Variants in SDK1 observed in about 807,000 individuals in gnomAD.
SDK1 encodes protein sidekick-1.
In SDK1, 157 loss-of-function variants were observed where a neutral mutation model predicts 245.5. That is an observed-to-expected ratio of 0.64 (90% CI 0.56 to 0.73). The LOEUF is 0.73. SDK1 is among the 30% of genes least tolerant of loss of function. The probability of loss-of-function intolerance (pLI) is 0.00; values close to 1 mark genes in which losing one functional copy is unlikely to be tolerated. For synonymous variants in SDK1, 1,647 were observed against 1,278.5 expected (o/e 1.29, Z -6.15); for missense variants, 3,583 against 3,002.3 (o/e 1.19, Z -4.52).
chr7:3,385,786 A>G (rs1005244594), intron 1 of SDK1, among the ~76,000 whole-genome samples: 61 of 152,202 alleles, frequency 4.0e-4, no homozygotes, highest in African/African-American at 1.4e-3. Context: ...GGCGATTAGT[A>G]AGGGATTGTA....
rs536313411 is a variant in SDK1, at chr7:3,909,310, A to G, written c.848-41613A>G. The stretch of plus-strand genomic sequence containing the variant: ...ACCAGATGGCCGCCAATAACTCCAG[A>G]CTTAAATCCTGCCTGGGCTGCGGGG... On this transcript the variant is annotated intron_variant, in intron 5 of 44. Transcript: ENST00000404826. 9.2e-4 allele frequency among the ~76,000 whole-genome samples: 140 copies of G among 152,132 alleles called. 2 individuals are homozygous for G. Among genetic ancestry groups the G allele is most frequent in the African/African-American group, 3.3e-3 (135 of 41,506 alleles).
chr7:3,891,892 G>GT lies in SDK1; in HGVS notation c.848-59025dup, dbSNP rs1250779246. Reference sequence around the variant, plus strand: ...TTCAATTGTATTTGCAAAGCAGTGAGTTTTTTGGGAGGAGGCAAGGTGCAT... The same window carrying GT: ...TTCAATTGTATTTGCAAAGCAGTGAGTTTTTTTGGGAGGAGGCAAGGTGCAT... On this transcript the variant is annotated intron_variant, in intron 5 of 44. Transcript: ENST00000404826. Among the ~76,000 whole-genome samples the GT allele has an allele frequency of 5.3e-5, 8 of 152,126 alleles. No homozygotes were observed. In the South Asian group the frequency reaches 6.2e-4, roughly 12 times the overall value.
At position 4,265,628 on chromosome 7, in the gene SDK1, TG is replaced by T. The variant is rs912206921; in HGVS notation, c.*245del. On this transcript the variant is annotated 3_prime_UTR_variant, in exon 45 of 45. Coordinates refer to ENST00000404826, the MANE Select transcript of SDK1 (RefSeq NM_152744.4). The stretch of plus-strand genomic sequence containing the variant: ...TTTTTCTTTTCTTTTTAAGAGAAGG[TG>T]TATTTCACTGGTGCAATGGCTTGGC... 1 of 1,315,804 alleles carries T rather than the reference TG, an allele frequency of 7.6e-7. No homozygotes were observed. The highest frequency in any genetic ancestry group is 1.6e-5 in the African/African-American group (1 of 64,150). 81.5% of individuals were successfully genotyped at this position (1,315,804 alleles called of 1,614,324 possible).
rs935111405 is a variant in SDK1, at chr7:4,174,287, G to A, written c.4866G>A (p.Glu1622=). 5 of 1,613,984 alleles carry A rather than the reference G, an allele frequency of 3.1e-6. No homozygotes were observed. The Admixed American group carries it at 5.0e-5, about 16-fold the overall frequency. The change falls in exon 33 of 45, where the codon GAG becomes GAA. Residue 1622 remains glutamate, a synonymous_variant. Transcript: ENST00000404826. ...ACAGGATCTACTACAGGGAGCTGGAGTATGAAGCCGGGTCAGGCACTGAGG... is the reference window on the plus strand; with the variant it reads ...ACAGGATCTACTACAGGGAGCTGGAATATGAAGCCGGGTCAGGCACTGAGG... The part of the protein sequence containing the change: ...QGYRIYYREL[E]YEAGSGTEAK...
At chr7:3,561,401 C>G (rs1428046464) in intron 1 of SDK1, among the ~76,000 whole-genome samples, 1 of 152,178 alleles carries the variant, frequency 6.6e-6, no homozygotes, top group East Asian at 1.9e-4. Context: ...TCTCTGGTCA[C>G]TTGTTTGTTC....
At chr7:3,316,356 T>A (rs2128545305) in intron 1 of SDK1, among the ~76,000 whole-genome samples, 1 of 152,292 alleles carries the variant, frequency 6.6e-6, no homozygotes, top group Admixed American at 6.5e-5. Flanking sequence ...TACAGTAACA[T>A]GCTGCACAGG....
At chr7:3,881,681 C>T (rs1275234587) in intron 5 of SDK1, among the ~76,000 whole-genome samples, 2 of 152,184 alleles carry the variant, frequency 1.3e-5, no homozygotes, top group African/African-American at 4.8e-5. Context: ...TCAGGAATTA[C>T]CACACTGTCT....
chr7:3,333,435 C>T (rs987558800), intron 1 of SDK1, among the ~76,000 whole-genome samples: 2 of 152,128 alleles, frequency 1.3e-5, no homozygotes, highest in Admixed American at 6.5e-5. Context: ...TTGACTGTGA[C>T]TATGGAATGC....
intron 4 of SDK1, among the ~76,000 whole-genome samples, chr7:3,808,126 C>A (rs1339290034): frequency 6.6e-6 from 1 of 152,166 alleles, no homozygotes; most frequent in East Asian, 1.9e-4. Context: ...GAATTTGAAT[C>A]CCTGTGGGAT....
chr7:3,668,582 TG>T (rs1189036706), intron 4 of SDK1, among the ~76,000 whole-genome samples: 1 of 152,122 alleles, frequency 6.6e-6, no homozygotes, highest in Non-Finnish European at 1.5e-5. Flanking sequence ...GAGACCAGCC[TG>T]GGCAAGAGAC....
chr7:3,486,967 A>G (rs1274808998), intron 1 of SDK1, among the ~76,000 whole-genome samples: 1 of 152,140 alleles, frequency 6.6e-6, no homozygotes, highest in Non-Finnish European at 1.5e-5. Flanking sequence ...CTAAGATTGT[A>G]TTAGCTATCT....
chr7:4,134,168 C>T (rs1360240131), intron 28 of SDK1, among the ~76,000 whole-genome samples: 1 of 152,180 alleles, frequency 6.6e-6, no homozygotes, highest in Admixed American at 6.5e-5. Context: ...GTCTTCTGCA[C>T]AAGGAGGCTG....
intron 22 of SDK1, among the ~76,000 whole-genome samples, chr7:4,079,952 T>A (rs1780948831): frequency 6.6e-6 from 1 of 152,216 alleles, no homozygotes; most frequent in Non-Finnish European, 1.5e-5. Flanking sequence ...TGTGTGTCAT[T>A]AGCTATGCAT....
chr7:4,180,872 C>T lies in SDK1; in HGVS notation c.5098+2286C>T, dbSNP rs775696610. On this transcript the variant is annotated intron_variant, in intron 35 of 44. Transcript: ENST00000404826. ...CCACCCCCACATCCCCATCCCCTCC[C>T]GCCAGGCCCCACCTGCACGTTGGGG... is the stretch of plus-strand genomic sequence containing the variant. Among the ~76,000 whole-genome samples the T allele has an allele frequency of 4.6e-5, 7 of 152,292 alleles. No homozygotes were observed. In the East Asian group the frequency reaches 5.8e-4, roughly 13 times the overall value.
intron 4 of SDK1, among the ~76,000 whole-genome samples, chr7:3,673,925 T>G (rs1383442041): frequency 6.6e-6 from 1 of 152,142 alleles, no homozygotes; most frequent in Non-Finnish European, 1.5e-5. Flanking sequence ...CAAAGCAAAT[T>G]TTATTAAAAA....
At chr7:3,325,841 G>A (rs1471804273) in intron 1 of SDK1, among the ~76,000 whole-genome samples, 2 of 152,040 alleles carry the variant, frequency 1.3e-5, no homozygotes, top group African/African-American at 2.4e-5. Context: ...ATCTTAACAG[G>A]TTGATGTTAC....
At chr7:3,811,494 G>T (rs938536805) in intron 4 of SDK1, among the ~76,000 whole-genome samples, 3 of 152,204 alleles carry the variant, frequency 2.0e-5, no homozygotes, top group Non-Finnish European at 4.4e-5. Flanking sequence ...AGGGAGCTTG[G>T]TTGGGAGAAG....
chr7:3,805,489 C>T (rs193250525), intron 4 of SDK1, among the ~76,000 whole-genome samples: 200 of 152,256 alleles, frequency 1.3e-3, no homozygotes, highest in African/African-American at 4.5e-3. Flanking sequence ...GTTCTGGGTT[C>T]CTCTTGTACT....
chr7:3,305,637 G>C (rs893649485), intron 1 of SDK1, among the ~76,000 whole-genome samples: 2 of 152,136 alleles, frequency 1.3e-5, no homozygotes, highest in Admixed American at 1.3e-4. Context: ...TTGAGTTCTA[G>C]ACTCCCTTAC....
Sources: gnomAD v4.1 joint callset for allele counts (sites outside exome capture counted in the v4.1 genomes callset) on GRCh38, gnomAD v4.1.1 for gene constraint, MANE v1.5 for transcripts, NCBI Gene and HGNC (gene_info 2026-07-23, HGNC 2026-07-21) for gene names.